Variants in GSPT1 observed in about 807,000 individuals in gnomAD.
GSPT1 encodes G1 to S phase transition 1, also known as eukaryotic peptide chain release factor GTP-binding subunit ERF3A.
GSPT1 carries 20 observed loss-of-function variants against 72.5 expected under a neutral mutation model. That is an observed-to-expected ratio of 0.28 (90% CI 0.19 to 0.40). The LOEUF (loss-of-function observed/expected upper bound fraction) is 0.40, where lower values mean the gene tolerates loss of function less well. Among genes scored for constraint, GSPT1 ranks in the 10% least tolerant of loss-of-function variants. The probability of loss-of-function intolerance (pLI) is 1.00; values close to 1 mark genes in which losing one functional copy is unlikely to be tolerated. For missense variants in GSPT1, 580 were observed against 811.9 expected (o/e 0.71, Z 3.47); for synonymous variants, 334 against 293.5 (o/e 1.14, Z -1.41).
At chr16:11,901,414 G>A (rs1290744138) in intron 1 of GSPT1, among the ~76,000 whole-genome samples, 2 of 152,116 alleles carry the variant, frequency 1.3e-5, no homozygotes, top group East Asian at 3.8e-4. Context: ...CTCAAGGAAT[G>A]AAATTACAGT....
chr16:11,912,433 T>G (rs1049695776), intron 1 of GSPT1, among the ~76,000 whole-genome samples: 16 of 152,110 alleles, frequency 1.1e-4, no homozygotes, highest in African/African-American at 3.6e-4. Flanking sequence ...ACAGAATGTT[T>G]CTCTTTAAAA....
chr16:11,898,129 AC>A, intron 1 of GSPT1, 94 bp from the exon 2 acceptor site: 1 of 770,700 alleles, frequency 1.3e-6, no homozygotes, highest in Non-Finnish European at 2.2e-6. Flanking sequence ...GTTCAATAAC[AC>A]GACACAAGCC....
At chr16:11,888,461 C>T (rs1409484812) in intron 6 of GSPT1, among the ~76,000 whole-genome samples, 1 of 127,862 alleles carries the variant, frequency 7.8e-6, no homozygotes, top group Non-Finnish European at 1.6e-5. Flanking sequence ...GACTCTGTCT[C>T]TCAAAAAAAA....
At chr16:11,873,517 G>A (rs2054001997) in intron 14 of GSPT1, among the ~76,000 whole-genome samples, 1 of 152,082 alleles carries the variant, frequency 6.6e-6, no homozygotes, top group Non-Finnish European at 1.5e-5. Flanking sequence ...CACCATGTTG[G>A]CCAGGCTGGT....
At chr16:11,892,520 A>ATAAT (rs754487009) in intron 5 of GSPT1, among the ~76,000 whole-genome samples, 2 of 138,916 alleles carry the variant, frequency 1.4e-5, no homozygotes, top group African/African-American at 6.1e-5. Flanking sequence ...AAAACAAAAA[A>ATAAT]AACAAAAAAA....
At chr16:11,890,966 G>A in intron 6 of GSPT1, 96 bp downstream of exon 6, 1 of 640,410 alleles carries the variant, frequency 1.6e-6, no homozygotes, top group South Asian at 1.8e-5. Flanking sequence ...TACGATTTTA[G>A]ACTTCAACAA....
chr16:11,873,701 C>T (rs1331747243), intron 14 of GSPT1, among the ~76,000 whole-genome samples: 5 of 152,096 alleles, frequency 3.3e-5, no homozygotes. Context: ...GATTCTCCTG[C>T]CTCAGCCTCC....
At chr16:11,901,868 G>A (rs1019696481) in intron 1 of GSPT1, among the ~76,000 whole-genome samples, 15 of 151,824 alleles carry the variant, frequency 9.9e-5, no homozygotes, top group Admixed American at 8.5e-4. Context: ...GGTGGAGGCG[G>A]GCGGATCACC....
chr16:11,879,987 C>G (rs2054101737), intron 11 of GSPT1, among the ~76,000 whole-genome samples: 1 of 152,100 alleles, frequency 6.6e-6, no homozygotes, highest in Non-Finnish European at 1.5e-5. Context: ...TGTTATCTTG[C>G]AAAACTGAAA....
intron 11 of GSPT1, chr16:11,880,331 T>A (rs2054106133): frequency 6.6e-6 from 1 of 152,232 alleles, no homozygotes; most frequent in South Asian, 2.1e-4. Flanking sequence ...TTTGGGTATA[T>A]ACTCAGAAAG....
chr16:11,909,910 C>G (rs537089505), intron 1 of GSPT1, among the ~76,000 whole-genome samples: 2 of 151,374 alleles, frequency 1.3e-5, no homozygotes, highest in African/African-American at 4.9e-5. Context: ...TGTGACAGAG[C>G]GAAACTCCAT....
chr16:11,874,835 A>G (rs1285414619), intron 14 of GSPT1, among the ~76,000 whole-genome samples: 2 of 152,224 alleles, frequency 1.3e-5, no homozygotes, highest in Non-Finnish European at 2.9e-5. Flanking sequence ...CTGTATTTCA[A>G]TGGAACTATA....
At chr16:11,904,295 T>C (rs1415596600) in intron 1 of GSPT1, among the ~76,000 whole-genome samples, 1 of 152,178 alleles carries the variant, frequency 6.6e-6, no homozygotes, top group Non-Finnish European at 1.5e-5. Context: ...CTCCGACTCC[T>C]GGGTTCAAGC....
Position 11,897,870 on chromosome 16 carries a change from C to T in GSPT1, c.406G>A (p.Ala136Thr). The change falls in exon 3 of 15, where the codon GCT becomes ACT. Residue 136 changes from alanine (A) to threonine (T), a missense_variant. Ala to Thr is a moderately conservative substitution (Grantham distance 58). Coordinates refer to ENST00000434724, the MANE Select transcript of GSPT1 (RefSeq NM_002094.4). Reference sequence around the variant, plus strand: ...GGTTCTGAAAGTTCCATGCTAACAGCTGAATTTGAACCTAGACAAGAGATT... The same window carrying T: ...GGTTCTGAAAGTTCCATGCTAACAGTTGAATTTGAACCTAGACAAGAGATT... The part of the protein sequence containing the change: ...EQSLCEGSNS[A>T]VSMELSEPIV... 6.5e-7 allele frequency: 1 copy of T among 1,543,926 alleles called. No homozygotes were observed. Among genetic ancestry groups the T allele is most frequent in the Non-Finnish European group, 8.8e-7 (1 of 1,133,482 alleles).
intron 1 of GSPT1, chr16:11,915,018 A>G (rs1485328849): frequency 2.3e-6 from 3 of 1,289,808 alleles, no homozygotes; most frequent in Non-Finnish European, 3.0e-6. Context: ...ATCTGTCCTC[A>G]TTCTGCGCCT....
In GSPT1 at chr16:11,870,269, G is replaced by A. The variant is rs1243561707; in HGVS notation, c.*2850C>T. The A allele has an allele frequency of 6.6e-6, 1 of 152,136 alleles. No individual in the cohort carries two copies. Among genetic ancestry groups the A allele is most frequent in the East Asian group, 1.9e-4 (1 of 5,200 alleles). 9.4% of individuals were successfully genotyped at this position (152,136 alleles called of 1,614,324 possible). A position where few individuals can be genotyped will look rare whatever the true frequency, so the allele number is the denominator to read the frequency against. On this transcript the variant is annotated 3_prime_UTR_variant, in exon 15 of 15. Coordinates refer to ENST00000434724, the MANE Select transcript of GSPT1 (RefSeq NM_002094.4). ...AAATTAAAAACAAGAAATGAGTGCTGTATTTCCCCCTCTCCCACAGTAAGA... is the reference window on the plus strand; with the variant it reads ...AAATTAAAAACAAGAAATGAGTGCTATATTTCCCCCTCTCCCACAGTAAGA...
At chr16:11,902,011 C>T (rs2054413319) in intron 1 of GSPT1, among the ~76,000 whole-genome samples, 1 of 150,384 alleles carries the variant, frequency 6.6e-6, no homozygotes, top group African/African-American at 2.5e-5. Flanking sequence ...CAGGAAGCTA[C>T]CCGGGAGGCA....
Position 11,868,619 on chromosome 16 carries a change from C to CT in GSPT1, c.*4499_*4500insA, listed in dbSNP as rs1389830980. On this transcript the variant is annotated 3_prime_UTR_variant, in exon 15 of 15. Transcript: ENST00000434724. Reference sequence around the variant, plus strand: ...CTGAAGAGTGCAAGCGCTCCAGCTCCAGCACACACACTCTTCCCTGGGCAG... The same window carrying CT: ...CTGAAGAGTGCAAGCGCTCCAGCTCCTAGCACACACACTCTTCCCTGGGCAG... 1 of 152,092 alleles carries CT rather than the reference C, an allele frequency of 6.6e-6. No individual in the cohort carries two copies. The highest frequency in any genetic ancestry group is 1.5e-5 in the Non-Finnish European group (1 of 68,040). The allele number at this position is 152,092 out of a possible 1,614,324, so 9.4% of individuals were successfully genotyped here.
intron 6 of GSPT1, 70 bp downstream of exon 6, chr16:11,890,992 G>T: frequency 1.4e-6 from 1 of 700,850 alleles, no homozygotes. Context: ...ATTTTAACAG[G>T]CTCCAAAAGC....
Sources: allele counts gnomAD v4.1 joint callset (sites outside exome capture counted in the v4.1 genomes callset), GRCh38; gene constraint gnomAD v4.1.1; transcripts MANE v1.5; gene names NCBI Gene and HGNC (gene_info 2026-07-23, HGNC 2026-07-21).